The following SRPX2 variants were observed in gnomAD, a reference collection of about 807,000 sequenced individuals.
SRPX2 encodes sushi repeat containing protein X-linked 2.
In SRPX2, 26 loss-of-function variants were observed where a neutral mutation model predicts 45.3. That is an observed-to-expected ratio of 0.57 (90% CI 0.42 to 0.80). The LOEUF is 0.80. Among genes scored for constraint, SRPX2 ranks in the 30% least tolerant of loss-of-function variants. The pLI is 0.00. For synonymous variants in SRPX2, 125 were observed against 143.7 expected, an observed-to-expected ratio of 0.87 and a Z score of 0.93; for missense variants, 355 against 399.8, an observed-to-expected ratio of 0.89 and a Z score of 0.95.
chrX:100,656,243 C>T (rs1164600001), intron 3 of SRPX2, among the ~76,000 whole-genome samples: 1 of 111,244 alleles, frequency 9.0e-6, no homozygotes, highest in Non-Finnish European at 1.9e-5. Context: ...TGTTGAGTGT[C>T]ACACGCATAG....
intron 1 of SRPX2, among the ~76,000 whole-genome samples, chrX:100,645,834 G>A (rs2083133602): frequency 1.8e-5 from 2 of 112,042 alleles, no homozygotes; most frequent in Non-Finnish European, 3.8e-5. Context: ...CAAATTCTTA[G>A]ACCACATATG....
intron 9 of SRPX2, among the ~76,000 whole-genome samples, chrX:100,668,896 A>G (rs1451989392): frequency 8.9e-6 from 1 of 112,259 alleles, no homozygotes; most frequent in Non-Finnish European, 1.9e-5. Flanking sequence ...TGTATTCAAT[A>G]AACAACAGCC....
At chrX:100,665,062 G>A in intron 5 of SRPX2, 112 bp downstream of exon 5, 1 of 1,052,028 alleles carries the variant, frequency 9.5e-7, no homozygotes, top group South Asian at 2.0e-5. Context: ...CTATGAGGGT[G>A]GCACCCTGGG....
chrX:100,646,062 C>T, intron 1 of SRPX2, 131 bp from the exon 2 acceptor site: 1 of 366,678 alleles, frequency 2.7e-6, no homozygotes. Context: ...TTTACATCCT[C>T]CTCCTCCTGG....
chrX:100,675,119 G>A lies in SRPX2; in HGVS notation c.*4132G>A, dbSNP rs778994011. ...AGACGCAAACACTAAGACAGATGTG[G>A]TACATGAGGATGAATATATCTCATC... On this transcript the variant is annotated 3_prime_UTR_variant, in exon 11 of 11. Transcript: ENST00000373004. The A allele has an allele frequency of 3.6e-5, 4 of 112,201 alleles. No individual in the cohort carries two copies. The East Asian group carries it at 1.1e-3, about 31-fold the overall frequency. 9.2% of individuals were successfully genotyped at this position (112,201 alleles called of 1,213,427 possible).
intron 3 of SRPX2, 80 bp from the exon 4 acceptor site, chrX:100,662,096 A>C: frequency 9.6e-7 from 1 of 1,038,825 alleles, no homozygotes; most frequent in Non-Finnish European, 1.3e-6. Context: ...ATTTTTTTCC[A>C]TTGACCTATT....
chrX:100,646,231 T>C lies in SRPX2; in HGVS notation c.-92T>C. 2 of 823,753 alleles carry C rather than the reference T, an allele frequency of 2.4e-6. No homozygotes were observed. The highest frequency in any genetic ancestry group is 3.7e-6 in the Non-Finnish European group (2 of 547,477). The allele number at this position is 823,753 out of a possible 1,213,427, so 67.9% of individuals were successfully genotyped here. A position where few individuals can be genotyped will look rare whatever the true frequency, so the allele number is the denominator to read the frequency against. On this transcript the variant is annotated 5_prime_UTR_variant, in exon 2 of 11. Transcript: ENST00000373004. ...GCTTCCCCTCACTTTTAGAAGTTAA[T>C]TGATGGCTGACTTCTGAAAGTCACT...
chrX:100,662,733 T>G (rs2083192346), intron 4 of SRPX2, among the ~76,000 whole-genome samples: 1 of 112,509 alleles, frequency 8.9e-6, no homozygotes, highest in Admixed American at 9.3e-5. Context: ...CTGCTGTAAT[T>G]CCTGGCCTGT....
In SRPX2 at chrX:100,669,359, G is replaced by C. The variant is rs774253380; in HGVS notation, c.1207G>C (p.Glu403Gln). 1 of 1,078,741 alleles carries C rather than the reference G, an allele frequency of 9.3e-7. No homozygotes were observed. The highest frequency in any genetic ancestry group is 1.2e-6 in the Non-Finnish European group (1 of 816,742). 88.9% of individuals were successfully genotyped at this position (1,078,741 alleles called of 1,213,427 possible). A position where few individuals can be genotyped will look rare whatever the true frequency, so the allele number is the denominator to read the frequency against. ...REQQLSANII[E>Q]ELRQFQRLTR... ...GCAACAGCTGTCAGCCAACATCATC[G>C]AGGAGCTCAGGTCCAGGCTGGGAGG... The change falls in exon 10 of 11, where the codon GAG (glutamate) becomes CAG (glutamine). Residue 403 changes from glutamate to glutamine, a missense_variant. By Grantham distance (29) the Glu-to-Gln change is conservative. Coordinates refer to ENST00000373004, the MANE Select transcript of SRPX2 (RefSeq NM_014467.3).
rs193058585 is a variant in SRPX2, at chrX:100,667,744, A to G, written c.1095+337A>G. Among the ~76,000 whole-genome samples the G allele has an allele frequency of 2.7e-5, 3 of 112,469 alleles. No individual in the cohort carries two copies. In the East Asian group the frequency reaches 8.4e-4, roughly 32 times the overall value. ...TACATTTATGTTTTCAAGGAATAAC[A>G]GCGCTAACAAACACTTATGCAGTAA... On this transcript the variant is annotated intron_variant, in intron 9 of 10. Transcript: ENST00000373004.
At chrX:100,649,300 G>A (rs776738398) in intron 2 of SRPX2, 2 of 110,354 alleles carry the variant, frequency 1.8e-5, no homozygotes, top group East Asian at 5.8e-4. Flanking sequence ...CCTGTTTACA[G>A]GACCTATAAA....
chrX:100,647,150 G>C (rs749096303), intron 2 of SRPX2, among the ~76,000 whole-genome samples: 3 of 112,112 alleles, frequency 2.7e-5, no homozygotes, highest in African/African-American at 9.7e-5. Context: ...TTTATATGGG[G>C]CCCAGCTGGC....
intron 3 of SRPX2, among the ~76,000 whole-genome samples, chrX:100,661,936 T>A (rs1055306258): frequency 1.0e-5 from 1 of 96,190 alleles, no homozygotes; most frequent in Non-Finnish European, 2.1e-5. Context: ...AGGTGGGGTT[T>A]TTTTTTTTTT....
chrX:100,670,990 T>C lies in SRPX2; in HGVS notation c.*3T>C, dbSNP rs1407991482. ...AGCAAAGGGACATATGCGAGTGAAC[T>C]TGAGCCAGGGCATGGTTAAAGTCAA... On this transcript the variant is annotated 3_prime_UTR_variant, in exon 11 of 11. Transcript: ENST00000373004. The C allele has an allele frequency of 8.3e-7, 1 of 1,204,489 alleles. No homozygotes were observed. The highest frequency in any genetic ancestry group is 1.1e-6 in the Non-Finnish European group (1 of 892,097).
At position 100,664,796 on chromosome X, in the gene SRPX2, A is replaced by G; in HGVS notation, c.378A>G (p.Pro126=). The change falls in exon 5 of 11, where the codon CCA becomes CCG. Residue 126 remains proline (P), a synonymous_variant. Coordinates refer to ENST00000373004, the MANE Select transcript of SRPX2 (RefSeq NM_014467.3). ...YCRQMRCHAL[P]FITSGTYTCT... ...TAGAGATGAGATGCCACGCACTACC[A>G]TTCATCACTAGTGGCACTTACACCT... The G allele has an allele frequency of 8.3e-7, 1 of 1,207,069 alleles. No individual in the cohort carries two copies. Among genetic ancestry groups the G allele is most frequent in the Admixed American group, 2.2e-5 (1 of 45,588 alleles).
intron 3 of SRPX2, among the ~76,000 whole-genome samples, chrX:100,652,717 G>A (rs1194009265): frequency 9.0e-6 from 1 of 111,479 alleles, no homozygotes; most frequent in African/African-American, 3.3e-5. Flanking sequence ...GCAAGAAGGA[G>A]GTAAATGGTG....
intron 1 of SRPX2, chrX:100,645,983 C>T (rs760251836): frequency 1.3e-4 from 32 of 255,982 alleles, no homozygotes; most frequent in Non-Finnish European, 2.0e-4. Flanking sequence ...ACTTCAATGT[C>T]CCTCTCTATA....
intron 3 of SRPX2, among the ~76,000 whole-genome samples, chrX:100,652,033 T>C (rs1467484421): frequency 8.9e-6 from 1 of 111,975 alleles, no homozygotes; most frequent in Non-Finnish European, 1.9e-5. Flanking sequence ...CTAGGATCTA[T>C]AGGGAGCCCA....
At chrX:100,655,047 A>G (rs1041794819) in intron 3 of SRPX2, among the ~76,000 whole-genome samples, 2 of 111,931 alleles carry the variant, frequency 1.8e-5, no homozygotes, top group African/African-American at 6.5e-5. Flanking sequence ...ACACCTTAAA[A>G]AGAGATAGAC....
Sources: gnomAD v4.1 joint callset for allele counts (sites outside exome capture counted in the v4.1 genomes callset) on GRCh38, gnomAD v4.1.1 for gene constraint, MANE v1.5 for transcripts, NCBI Gene and HGNC (gene_info 2026-07-23, HGNC 2026-07-21) for gene names.